RGL1: variants seen among roughly 807,000 people sequenced by gnomAD.
RGL1 encodes the protein ral guanine nucleotide dissociation stimulator like 1.
In RGL1, 24 loss-of-function variants were observed where a neutral mutation model predicts 95.2. The ratio of observed to expected loss-of-function variants is 0.25; its 90% confidence interval spans 0.18 to 0.35. The LOEUF is 0.35. Among genes scored for constraint, RGL1 ranks in the 10% least tolerant of loss-of-function variants. The probability of loss-of-function intolerance (pLI) is 1.00; values close to 1 mark genes in which losing one functional copy is unlikely to be tolerated. For missense variants in RGL1, 715 were observed against 936.3 expected, an observed-to-expected ratio of 0.76 and a Z score of 3.08; for synonymous variants, 329 against 344.9, an observed-to-expected ratio of 0.95 and a Z score of 0.51.
At chr1:183,863,715 G>A (rs1253338733) in intron 3 of RGL1, among the ~76,000 whole-genome samples, 2 of 152,182 alleles carry the variant, frequency 1.3e-5, no homozygotes, top group Non-Finnish European at 2.9e-5. Context: ...GATGGGTTGG[G>A]TGGAGAAGAG....
chr1:183,869,613 T>C (rs544684132), intron 4 of RGL1, among the ~76,000 whole-genome samples: 1 of 152,168 alleles, frequency 6.6e-6, no homozygotes, highest in Non-Finnish European at 1.5e-5. Context: ...CTTTCTTCTG[T>C]CTTTCTCACT....
At chr1:183,882,660 G>A (rs922834226) in intron 5 of RGL1, among the ~76,000 whole-genome samples, 1 of 152,158 alleles carries the variant, frequency 6.6e-6, no homozygotes, top group Non-Finnish European at 1.5e-5. Context: ...CAAGTCCAGG[G>A]TAAAGGGGCA....
intron 2 of RGL1, among the ~76,000 whole-genome samples, chr1:183,845,549 G>A (rs931619370): frequency 2.0e-5 from 3 of 152,126 alleles, no homozygotes; most frequent in African/African-American, 7.2e-5. Context: ...GTGAGTAAAT[G>A]TCTTCTTTTA....
At chr1:183,639,738 G>A (rs1037321363) in intron 1 of RGL1, among the ~76,000 whole-genome samples, 25 of 151,148 alleles carry the variant, frequency 1.7e-4, no homozygotes, top group African/African-American at 5.3e-4. Flanking sequence ...CTCTAAATAC[G>A]TTGAATTTAT....
chr1:183,922,025 C>G (rs11803613), intron 16 of RGL1, among the ~76,000 whole-genome samples, 197 bp from the exon 17 acceptor site: 45,171 of 152,002 alleles, frequency 0.3, 6,902 homozygotes, highest in East Asian at 0.49. Flanking sequence ...GGTGACTCGC[C>G]CATCATCTGT....
At chr1:183,677,847 C>A (rs1652938177) in intron 1 of RGL1, among the ~76,000 whole-genome samples, 1 of 152,120 alleles carries the variant, frequency 6.6e-6, no homozygotes, top group African/African-American at 2.4e-5. Context: ...AGGCGGAGAG[C>A]TGGGACTTGA....
chr1:183,697,432 G>T (rs926433396), intron 1 of RGL1, among the ~76,000 whole-genome samples: 2 of 152,130 alleles, frequency 1.3e-5, no homozygotes, highest in Non-Finnish European at 2.9e-5. Context: ...CAGAGATTTT[G>T]TCCATCTTGT....
At chr1:183,829,138 C>T (rs1663084042) in intron 2 of RGL1, among the ~76,000 whole-genome samples, 1 of 151,928 alleles carries the variant, frequency 6.6e-6, no homozygotes, top group Non-Finnish European at 1.5e-5. Context: ...TAACAAGTAC[C>T]CCAGGTGATT....
intron 16 of RGL1, among the ~76,000 whole-genome samples, chr1:183,919,104 G>A (rs532804073): frequency 6.6e-6 from 1 of 152,270 alleles, no homozygotes; most frequent in South Asian, 2.1e-4. Context: ...TTTAAACTGA[G>A]AAACTTTCAA....
At position 183,926,241 on chromosome 1, in the gene RGL1, G is replaced by T; in HGVS notation, c.2256G>T (p.Arg752Ser). 6.2e-7 allele frequency: 1 copy of T among 1,613,648 alleles called. No homozygotes were observed. The highest frequency in any genetic ancestry group is 1.1e-5 in the South Asian group (1 of 90,976). Residue 752 changes from arginine to serine, a missense_variant, in exon 18 of 18, where the codon AGG becomes AGT. Coordinates refer to ENST00000360851, the MANE Select transcript of RGL1 (RefSeq NM_001297671.3). ...GCCGGACCAGCTTGACGTTGCCCAG[G>T]ACAGCTAAACGGGGCTGCTGGAGTA... ...LRSRTSLTLPRTAKRGCWSNR... is the reference protein window; with the variant it reads ...LRSRTSLTLPSTAKRGCWSNR...
rs563275664 is a variant in RGL1 at position 183,805,959 on chromosome 1, T to C, written c.28-416T>C. Among the ~76,000 whole-genome samples, 10 of 132,838 alleles carry C rather than the reference T, an allele frequency of 7.5e-5. 1 individual carries two copies. In the South Asian group the frequency reaches 2.3e-3, roughly 31 times the overall value. The allele number at this position is 132,838 out of a possible 152,430, so 87.1% of individuals were successfully genotyped here. On this transcript the variant is annotated intron_variant, in intron 1 of 17. Coordinates refer to ENST00000360851, the MANE Select transcript of RGL1 (RefSeq NM_001297671.3). Reference sequence around the variant, plus strand: ...TTCTTTTCTTTTTTTCTTTTTCTTTTTCTTTTCTTTTCTTTTTTTTTTTTT... The same window carrying C: ...TTCTTTTCTTTTTTTCTTTTTCTTTCTCTTTTCTTTTCTTTTTTTTTTTTT...
At chr1:183,898,024 C>G (rs2102688716) in intron 10 of RGL1, 127 bp downstream of exon 10, 1 of 702,274 alleles carries the variant, frequency 1.4e-6, no homozygotes, top group South Asian at 1.8e-5. Flanking sequence ...GTCTCCCATT[C>G]TCTACCCCAT....
chr1:183,803,638 G>A (rs1196267172), upstream of RGL1, among the ~76,000 whole-genome samples: 1 of 152,166 alleles, frequency 6.6e-6, no homozygotes, highest in Non-Finnish European at 1.5e-5. Context: ...TCCCTGAAAT[G>A]GAAATATTTC....
chr1:183,923,758 C>G (rs1392628472), intron 17 of RGL1, among the ~76,000 whole-genome samples: 1 of 152,146 alleles, frequency 6.6e-6, no homozygotes, highest in Non-Finnish European at 1.5e-5. Context: ...TATTACTGAC[C>G]TGTGAGTATG....
intron 2 of RGL1, among the ~76,000 whole-genome samples, chr1:183,751,517 A>G (rs1190939911): frequency 6.6e-6 from 1 of 151,976 alleles, no homozygotes; most frequent in Non-Finnish European, 1.5e-5. Context: ...GAGTGAGACC[A>G]CTTGGCTTCC....
intron 2 of RGL1, among the ~76,000 whole-genome samples, chr1:183,757,045 T>C (rs1658383270): frequency 6.6e-6 from 1 of 151,662 alleles, no homozygotes; most frequent in Non-Finnish European, 1.5e-5. Context: ...GTATTGCTGA[T>C]TGAATTTGCA....
intron 3 of RGL1, among the ~76,000 whole-genome samples, chr1:183,849,784 A>G (rs7547821): frequency 0.8 from 122,287 of 152,096 alleles, 49,267 homozygotes; most frequent in Middle Eastern, 0.89. Context: ...CGCTGCGCCC[A>G]GCAAATTTGT....
chr1:183,805,461 T>A, intron 1 of RGL1, 137 bp downstream of exon 1: 6 of 774,628 alleles, frequency 7.7e-6, no homozygotes, highest in Non-Finnish European at 1.3e-5. Context: ...GCTCTCTCAC[T>A]CCGCTTTGTA....
intron 1 of RGL1, among the ~76,000 whole-genome samples, chr1:183,730,050 A>G (rs1458742053): frequency 6.6e-6 from 1 of 152,174 alleles, no homozygotes; most frequent in Non-Finnish European, 1.5e-5. Flanking sequence ...CAGTGGTAAC[A>G]TGGGTGTATA....
Sources: allele counts gnomAD v4.1 joint callset (sites outside exome capture counted in the v4.1 genomes callset), GRCh38; gene constraint gnomAD v4.1.1; transcripts MANE v1.5; gene names NCBI Gene and HGNC (gene_info 2026-07-23, HGNC 2026-07-21).